The following GALNT5 variants were observed in gnomAD, a reference collection of about 807,000 sequenced individuals.
GALNT5 encodes the protein polypeptide N-acetylgalactosaminyltransferase 5, also known as UDP-GalNAc:polypeptide N-acetylgalactosaminyltransferase 5.
A neutral mutation model predicts 85.4 loss-of-function variants in GALNT5; 72 were observed. The ratio of observed to expected loss-of-function variants is 0.84; its 90% CI spans 0.70 to 1.03. The LOEUF is 1.03. Among genes scored for constraint, GALNT5 ranks in the 50% least tolerant of loss-of-function variants. The pLI is 0.00. For synonymous variants in GALNT5, 404 were observed against 397.0 expected (o/e 1.02, Z -0.21); for missense variants, 1,137 against 1,135.5 (o/e 1.00, Z -0.02).
chr2:157,262,207 T>TAAAAAAAAAAAAAAAAAAAAGA, intron 1 of GALNT5, among the ~76,000 whole-genome samples: 1 of 97,840 alleles, frequency 1.0e-5, no homozygotes, highest in Non-Finnish European at 2.4e-5. Context: ...CCAAAAAATG[T>TAAAAAAAAAAAAAAAAAAAAGA]AAAAAAAAAA....
rs1182794617 is a variant in GALNT5 at position 157,316,575 on chromosome 2, G to T, written c.*5227G>T. ...GTGCTTTTGCAACAACTTTTGCATG[G>T]GTTACTCAATAGTTGCTACAAGACA... On this transcript the variant is annotated 3_prime_UTR_variant, in exon 10 of 10. Transcript: ENST00000259056. 1.3e-5 allele frequency among the ~76,000 whole-genome samples: 2 copies of T among 151,780 alleles called. No individual in the cohort carries two copies. The highest frequency in any genetic ancestry group is 4.8e-5 in the African/African-American group (2 of 41,302).
intron 1 of GALNT5, among the ~76,000 whole-genome samples, chr2:157,261,262 CCAGAGAAAAGG>C (rs1682334279): frequency 6.6e-6 from 1 of 152,062 alleles, no homozygotes; most frequent in South Asian, 2.1e-4. Context: ...CAGTTCCAAA[CCAGAGAAAAGG>C]CACATGCGTG....
chr2:157,268,922 C>G (rs1682518958), intron 1 of GALNT5, among the ~76,000 whole-genome samples: 1 of 152,068 alleles, frequency 6.6e-6, no homozygotes, highest in Non-Finnish European at 1.5e-5. Context: ...AGTTACAAAC[C>G]TAGAAATATC....
intron 5 of GALNT5, among the ~76,000 whole-genome samples, chr2:157,298,267 C>T (rs1683258621): frequency 6.6e-6 from 1 of 152,134 alleles, no homozygotes; most frequent in Admixed American, 6.5e-5. Flanking sequence ...ACACCTGGGT[C>T]TAGGGGCAGG....
Position 157,308,768 on chromosome 2 carries a change from G to T in GALNT5, c.2682+40G>T. On this transcript the variant is annotated intron_variant, in intron 9 of 9. Transcript: ENST00000259056. ...GGTACCTCTTCTTTACCACAAATTT[G>T]ACTTTTGATCAAATAGGACATAAAA... 3 of 1,537,756 alleles carry T rather than the reference G, an allele frequency of 2.0e-6. No homozygotes were observed. The South Asian group carries it at 3.6e-5, about 18-fold the overall frequency.
intron 8 of GALNT5, among the ~76,000 whole-genome samples, chr2:157,306,931 AG>A: frequency 6.6e-6 from 1 of 152,368 alleles, no homozygotes. Flanking sequence ...TTACTAACAA[AG>A]AGGAAATAAA....
intron 9 of GALNT5, among the ~76,000 whole-genome samples, chr2:157,310,378 A>C (rs1387998469): frequency 6.6e-6 from 1 of 152,200 alleles, no homozygotes; most frequent in Non-Finnish European, 1.5e-5. Context: ...CAACAAGAGA[A>C]GTATAAAATG....
intron 3 of GALNT5, among the ~76,000 whole-genome samples, chr2:157,290,112 T>TATATAC (rs1416458086): frequency 8.0e-5 from 11 of 138,260 alleles, no homozygotes; most frequent in African/African-American, 3.4e-4. Context: ...TATATATATA[T>TATATAC]ACATACACAA....
chr2:157,259,318 C>T lies in GALNT5; in HGVS notation c.1236C>T (p.Ala412=). 6.3e-7 allele frequency: 1 copy of T among 1,584,332 alleles called. No homozygotes were observed. Among genetic ancestry groups the T allele is most frequent in the Non-Finnish European group, 8.6e-7 (1 of 1,168,050 alleles). ...AATACAACCAGAGTCATATAAAAGC[C>T]CTTTTACCTGAAGACAGTGGAACGC... ...STEYNQSHIK[A]LLPEDSGTHQ... is the part of the protein sequence containing the mutation. Residue 412 remains alanine, a synonymous_variant, in exon 1 of 10, where the codon GCC becomes GCT. Coordinates refer to ENST00000259056, the MANE Select transcript of GALNT5 (RefSeq NM_014568.3).
chr2:157,310,882 T>C (rs1279092210), intron 9 of GALNT5, among the ~76,000 whole-genome samples: 4 of 152,192 alleles, frequency 2.6e-5, no homozygotes, highest in Non-Finnish European at 4.4e-5. Context: ...ATGAAGTAGT[T>C]ATCATCTATC....
rs1246193768 is a variant in GALNT5 at position 157,312,052 on chromosome 2, G to A, written c.*704G>A. ...TGAACACTATTTCAGTTCATTTTGT[G>A]CTTTTAAAACTACAGTTTTAAAGAT... On this transcript the variant is annotated 3_prime_UTR_variant, in exon 10 of 10. Coordinates refer to ENST00000259056, the MANE Select transcript of GALNT5 (RefSeq NM_014568.3). 1 of 152,070 alleles carries A rather than the reference G, an allele frequency of 6.6e-6. No homozygotes were observed. Among genetic ancestry groups the A allele is most frequent in the Non-Finnish European group, 1.5e-5 (1 of 68,002 alleles). The allele number at this position is 152,070 out of a possible 1,614,324, so 9.4% of individuals were successfully genotyped here.
rs1206148221 is a variant in GALNT5 at position 157,286,086 on chromosome 2, A to G, written c.1693A>G (p.Arg565Gly). The G allele has an allele frequency of 6.2e-7, 1 of 1,612,306 alleles. No individual in the cohort carries two copies. Among genetic ancestry groups the G allele is most frequent in the South Asian group, 1.1e-5 (1 of 91,054 alleles). ...PKVRILRLKE[R>G]HGLIRARLAG... ...AGTTCGGATTCTTCGCCTCAAAGAG[A>G]GACATGGCTTAATAAGGGCCAGGCT... The change falls in exon 3 of 10, where the codon AGA becomes GGA. Residue 565 changes from arginine (R) to glycine (G), a missense_variant. Coordinates refer to ENST00000259056, the MANE Select transcript of GALNT5 (RefSeq NM_014568.3).
intron 1 of GALNT5, among the ~76,000 whole-genome samples, chr2:157,270,170 T>TAC (rs1682551127): frequency 6.6e-6 from 1 of 152,162 alleles, no homozygotes; most frequent in Admixed American, 6.6e-5. Flanking sequence ...TCAACCACCT[T>TAC]ACACCAGTCC....
intron 1 of GALNT5, among the ~76,000 whole-genome samples, chr2:157,267,765 C>T (rs11904136): frequency 0.14 from 21,085 of 152,184 alleles, 4,236 homozygotes; most frequent in African/African-American, 0.44. Context: ...CAACCACAGC[C>T]GCAGCTGGCT....
chr2:157,309,919 C>G (rs944072762), intron 9 of GALNT5, among the ~76,000 whole-genome samples: 1 of 151,972 alleles, frequency 6.6e-6, no homozygotes, highest in African/African-American at 2.4e-5. Context: ...CATAAACATG[C>G]AGTGTAGTGA....
At chr2:157,281,852 C>T (rs183603388) in intron 1 of GALNT5, among the ~76,000 whole-genome samples, 21 of 152,254 alleles carry the variant, frequency 1.4e-4, no homozygotes, top group Admixed American at 3.9e-4. Flanking sequence ...ATGATGAAAT[C>T]GGATATTTAG....
chr2:157,317,748 G>A lies in GALNT5; in HGVS notation c.*6400G>A, dbSNP rs1483142900. On this transcript the variant is annotated 3_prime_UTR_variant, in exon 10 of 10. Transcript: ENST00000259056. ...TTCATTTCCAAAATTCTCCTGTGCT[G>A]GCAGTTAGCTACTAGAGATCATCAT... Among the ~76,000 whole-genome samples, 1 of 152,094 alleles carries A rather than the reference G, an allele frequency of 6.6e-6. No homozygotes were observed. Among genetic ancestry groups the A allele is most frequent in the Non-Finnish European group, 1.5e-5 (1 of 68,004 alleles).
intron 3 of GALNT5, among the ~76,000 whole-genome samples, chr2:157,287,712 G>A (rs1191862208): frequency 6.6e-6 from 1 of 151,996 alleles, no homozygotes; most frequent in Non-Finnish European, 1.5e-5. Context: ...CCCCTTTTTA[G>A]TGTGCAGGTG....
rs61748238 is a variant in GALNT5 at position 157,299,583 on chromosome 2, A to C, written c.2033A>C (p.Asp678Ala). 9.1e-3 allele frequency: 14,685 copies of C among 1,613,116 alleles called. 94 individuals carry two copies. Among genetic ancestry groups the C allele is most frequent in the Non-Finnish European group, 0.011 (13,128 of 1,179,168 alleles). ...PVMAGGLFSI[D>A]KSYFFELGTY... ...ATGGCTGGTGGATTGTTTTCTATTG[A>C]CAAAAGTTACTTTTTTGAACTTGGA... is the stretch of plus-strand genomic sequence containing the variant. The change falls in exon 6 of 10, where the codon GAC becomes GCC. Residue 678 changes from aspartate (D) to alanine (A), a missense_variant. By Grantham distance (126) the Asp-to-Ala change is moderately radical (BLOSUM62 -2). Coordinates refer to ENST00000259056, the MANE Select transcript of GALNT5 (RefSeq NM_014568.3).
Sources: gnomAD v4.1 joint callset for allele counts (sites outside exome capture counted in the v4.1 genomes callset) on GRCh38, gnomAD v4.1.1 for gene constraint, MANE v1.5 for transcripts, NCBI Gene and HGNC (gene_info 2026-07-23, HGNC 2026-07-21) for gene names.